SZT2: variants seen among roughly 807,000 people sequenced by gnomAD.
The protein encoded by SZT2 is SZT2 subunit of KICSTOR complex, also known as KICSTOR complex protein SZT2.
In SZT2, 216 loss-of-function variants were observed where a neutral mutation model predicts 404.2. The observed-to-expected ratio is 0.53, with a 90% CI of 0.48 to 0.60. The LOEUF (loss-of-function observed/expected upper bound fraction) is 0.60, where lower values mean the gene tolerates loss of function less well. Among genes scored for constraint, SZT2 ranks in the 20% least tolerant of loss-of-function variants. The pLI, the probability that SZT2 is intolerant of heterozygous loss-of-function variation, is 0.00. For missense variants in SZT2, 3,857 were observed against 4,459.2 expected (o/e 0.86, Z 3.85); for synonymous variants, 1,693 against 1,749.9 (o/e 0.97, Z 0.81).
intron 65 of SZT2, 118 bp downstream of exon 65, chr1:43,446,534 G>C: frequency 6.5e-6 from 8 of 1,225,262 alleles, no homozygotes; most frequent in Non-Finnish European, 8.2e-6. Flanking sequence ...CCCAGTGATT[G>C]ATTCACTGCT....
intron 13 of SZT2, 23 bp downstream of exon 13, chr1:43,422,655 A>ACCCCCCCCC (rs1158044237): frequency 3.1e-5 from 34 of 1,095,636 alleles, no homozygotes; most frequent in South Asian, 1.9e-4. Flanking sequence ...ATGTCCCTTC[A>ACCCCCCCCC]CCCCCCGCCC....
At chr1:43,447,744 G>A (rs1476052740) in intron 67 of SZT2, 46 bp downstream of exon 67, 1 of 1,610,862 alleles carries the variant, frequency 6.2e-7, no homozygotes, top group African/African-American at 1.3e-5. Context: ...AGGAGCTGGG[G>A]TTGGGACATA....
chr1:43,419,600 G>A, intron 7 of SZT2, 134 bp from the exon 8 acceptor site: 2 of 710,752 alleles, frequency 2.8e-6, no homozygotes, highest in Non-Finnish European at 4.7e-6. Flanking sequence ...TCTGTCCTGG[G>A]AAAACACTGG....
In SZT2 at chr1:43,451,692, T is replaced by C; in HGVS notation, c.*1212T>C. ...CCGGATGTTTCCTGTCAGGTTCCCA[T>C]CCATGATCTGCCAGTGGAATATGTC... On this transcript the variant is annotated 3_prime_UTR_variant, in exon 72 of 72. Coordinates refer to ENST00000634258, the MANE Select transcript of SZT2 (RefSeq NM_001365999.1). 1 of 1,614,120 alleles carries C rather than the reference T, an allele frequency of 6.2e-7. No homozygotes were observed. The highest frequency in any genetic ancestry group is 1.1e-5 in the South Asian group (1 of 91,074).
intron 14 of SZT2, 83 bp downstream of exon 14, chr1:43,422,966 T>A: frequency 6.7e-7 from 1 of 1,496,656 alleles, no homozygotes; most frequent in Non-Finnish European, 9.0e-7. Context: ...CAGGGCCAGG[T>A]CTAATAGAGG....
intron 46 of SZT2, 91 bp from the exon 47 acceptor site, chr1:43,438,608 G>A: frequency 8.2e-7 from 1 of 1,217,326 alleles, no homozygotes; most frequent in Non-Finnish European, 1.2e-6. Flanking sequence ...TAGTATACAG[G>A]GGATTCTTTG....
Position 43,424,730 on chromosome 1 carries a change from CAG to C in SZT2, c.2472-53_2472-52del. On this transcript the variant is annotated intron_variant, in intron 16 of 71. Coordinates refer to ENST00000634258, the MANE Select transcript of SZT2 (RefSeq NM_001365999.1). This position sits in a 1 kb window ranked among gnomAD's most constrained non-coding sequence, Gnocchi z 4.1. ...TGTATGTGGGGAGAGCTTGTAGTCT[CAG>C]TGTCTCTTCTTCCCTTATCCTGGCC... 1 of 1,474,716 alleles carries C rather than the reference CAG, an allele frequency of 6.8e-7. No homozygotes were observed. The highest frequency in any genetic ancestry group is 2.3e-5 in the East Asian group (1 of 44,084). The allele number at this position is 1,474,716 out of a possible 1,614,324, so 91.4% of individuals were successfully genotyped here. A position where few individuals can be genotyped will look rare whatever the true frequency, so the allele number is the denominator to read the frequency against.
Position 43,430,722 on chromosome 1 carries a change from C to T in SZT2, c.4707C>T (p.Leu1569=), listed in dbSNP as rs2153933889. The T allele has an allele frequency of 6.2e-7, 1 of 1,613,562 alleles. No homozygotes were observed. Among genetic ancestry groups the T allele is most frequent in the Non-Finnish European group, 8.5e-7 (1 of 1,180,042 alleles). The part of the protein sequence containing the change: ...LHDLPPLFLH[L]TCSVRLRGQH... ...ACCTGCCACCGCTCTTCCTGCACCTCACGTGCTCCGTGCGGCTACGTGGGC... is the reference window on the plus strand; with the variant it reads ...ACCTGCCACCGCTCTTCCTGCACCTTACGTGCTCCGTGCGGCTACGTGGGC... Residue 1569 remains leucine (L), a synonymous_variant, in exon 32 of 72, where the codon CTC becomes CTT. Coordinates refer to ENST00000634258, the MANE Select transcript of SZT2 (RefSeq NM_001365999.1).
At chr1:43,399,466 ATTT>A (rs58653132) in intron 1 of SZT2, among the ~76,000 whole-genome samples, 2 of 121,984 alleles carry the variant, frequency 1.6e-5, no homozygotes, top group Non-Finnish European at 1.7e-5. Context: ...GCCAGAGGGA[ATTT>A]TTTTTTTTTT....
intron 7 of SZT2, among the ~76,000 whole-genome samples, chr1:43,418,290 A>T (rs1651933117): frequency 6.6e-6 from 1 of 152,200 alleles, no homozygotes; most frequent in Non-Finnish European, 1.5e-5. Flanking sequence ...GTTTCTAAGG[A>T]TCTGTAGTGA....
chr1:43,432,902 G>C (rs1654064554), intron 39 of SZT2, 87 bp from the exon 40 acceptor site: 6 of 1,589,784 alleles, frequency 3.8e-6, no homozygotes, highest in East Asian at 2.2e-5. Flanking sequence ...GGACTAATCT[G>C]AAGTGCATCA....
chr1:43,440,561 G>A lies in SZT2; in HGVS notation c.7319G>A (p.Gly2440Asp), dbSNP rs1654956367. The A allele has an allele frequency of 6.2e-7, 1 of 1,604,600 alleles. No individual in the cohort carries two copies. Among genetic ancestry groups the A allele is most frequent in the Non-Finnish European group, 8.5e-7 (1 of 1,175,728 alleles). ...CCTGTGACTCCACCCAGCAAAGCGGGCCGGCGTAGCTTCTGGGATATGCTG... is the reference window on the plus strand; with the variant it reads ...CCTGTGACTCCACCCAGCAAAGCGGACCGGCGTAGCTTCTGGGATATGCTG... ...GEPVTPPSKA[G>D]RRSFWDMLSK... Residue 2440 changes from glycine (G) to aspartate (D), a missense_variant, in exon 52 of 72, where the codon GGC becomes GAC. Coordinates refer to ENST00000634258, the MANE Select transcript of SZT2 (RefSeq NM_001365999.1).
intron 51 of SZT2, 80 bp downstream of exon 51, chr1:43,440,128 G>C: frequency 6.3e-7 from 1 of 1,578,834 alleles, no homozygotes; most frequent in Non-Finnish European, 8.6e-7. Context: ...AGCGTGCAAA[G>C]GTGGGGTTTA....
Position 43,451,423 on chromosome 1 carries a change from C to T in SZT2, c.*943C>T, listed in dbSNP as rs1178838080. ...GCCACGCCTCACCTCGAGGCTGATA[C>T]TCACAGCCCACGAAGCCTTTGTAGC... is the stretch of plus-strand genomic sequence containing the variant. On this transcript the variant is annotated 3_prime_UTR_variant, in exon 72 of 72. Coordinates refer to ENST00000634258, the MANE Select transcript of SZT2 (RefSeq NM_001365999.1). 8 of 1,613,178 alleles carry T rather than the reference C, an allele frequency of 5.0e-6. No homozygotes were observed. The highest frequency in any genetic ancestry group is 6.8e-6 in the Non-Finnish European group (8 of 1,179,930).
chr1:43,445,839 A>G (rs1655596153), intron 62 of SZT2, 55 bp from the exon 63 acceptor site: 1 of 1,537,736 alleles, frequency 6.5e-7, no homozygotes, highest in East Asian at 2.2e-5. Flanking sequence ...TCTGATCACC[A>G]TGACTGCATG....
At chr1:43,403,325 G>A (rs1449128945) in intron 2 of SZT2, 23 bp downstream of exon 2, 2 of 1,607,744 alleles carry the variant, frequency 1.2e-6, no homozygotes, top group Non-Finnish European at 1.7e-6. Flanking sequence ...CACACGAAAG[G>A]TGTGAGGGGC....
chr1:43,446,443 C>T, intron 65 of SZT2, 27 bp downstream of exon 65: 2 of 1,613,624 alleles, frequency 1.2e-6, no homozygotes, highest in Non-Finnish European at 1.7e-6. Context: ...CGGGCACAGT[C>T]AGTGCACCCC....
Position 43,443,085 on chromosome 1 carries a change from A to G in SZT2, c.8418A>G (p.Arg2806=). The G allele has an allele frequency of 1.2e-6, 2 of 1,611,382 alleles. No individual in the cohort carries two copies. The highest frequency in any genetic ancestry group is 1.7e-6 in the Non-Finnish European group (2 of 1,178,156). ...TAGAGATCAAGATGGCAGAGCGCAG[A>G]GGTGAGGGTACTGGGCCAGGCAGCA... The part of the protein sequence containing the change: ...QFLEIKMAER[R]ELERQMKMEN... The change falls in exon 59 of 72, where the codon AGA becomes AGG. Residue 2806 remains arginine (R), a splice_region_variant and synonymous_variant. Transcript: ENST00000634258.
intron 7 of SZT2, 47 bp downstream of exon 7, chr1:43,416,688 C>T: frequency 6.9e-7 from 1 of 1,455,344 alleles, no homozygotes; most frequent in Non-Finnish European, 9.4e-7. Context: ...ATATCTCACA[C>T]AAAGTTGGGA....
Sources: allele counts gnomAD v4.1 joint callset (sites outside exome capture counted in the v4.1 genomes callset), GRCh38; gene constraint gnomAD v4.1.1; non-coding constraint Gnocchi (gnomAD v3.1); transcripts MANE v1.5; gene names NCBI Gene and HGNC (gene_info 2026-07-23, HGNC 2026-07-21).